The following ENTPD1 variants were observed in gnomAD, a reference collection of about 807,000 sequenced individuals.
ENTPD1 encodes the protein ectonucleoside triphosphate diphosphohydrolase 1.
A neutral mutation model predicts 57.0 loss-of-function variants in ENTPD1; 33 were observed. The observed-to-expected ratio is 0.58, with a 90% CI of 0.44 to 0.77. The LOEUF (loss-of-function observed/expected upper bound fraction) is 0.77, where lower values mean the gene tolerates loss of function less well. ENTPD1 is among the 30% of genes least tolerant of loss of function. ENTPD1 has a pLI of 0.00. For missense variants in ENTPD1, 501 were observed against 603.4 expected, an observed-to-expected ratio of 0.83 and a Z score of 1.78; for synonymous variants, 202 against 218.8, an observed-to-expected ratio of 0.92 and a Z score of 0.68.
chr10:95,792,935 A>T (rs2098211375), intron 1 of ENTPD1, among the ~76,000 whole-genome samples: 3 of 152,188 alleles, frequency 2.0e-5, no homozygotes, highest in Admixed American at 2.0e-4. Flanking sequence ...CTGGCCACGT[A>T]TTCCACTCAT....
chr10:95,723,555 A>G (rs1409459143), intron 1 of ENTPD1, among the ~76,000 whole-genome samples: 3 of 152,148 alleles, frequency 2.0e-5, no homozygotes, highest in Non-Finnish European at 2.9e-5. Context: ...ACTCTGAACC[A>G]TTAGTACCTA....
At chr10:95,814,071 C>T (rs576495672) in intron 1 of ENTPD1, among the ~76,000 whole-genome samples, 10 of 152,300 alleles carry the variant, frequency 6.6e-5, no homozygotes, top group African/African-American at 1.4e-4. Flanking sequence ...GGAAGCAATG[C>T]GCTTATTGCT....
intron 8 of ENTPD1, among the ~76,000 whole-genome samples, chr10:95,862,221 C>T (rs1226119904): frequency 1.3e-5 from 2 of 152,136 alleles, no homozygotes; most frequent in Non-Finnish European, 2.9e-5. Flanking sequence ...CAGGGTTAGA[C>T]CCCTGTCTTC....
chr10:95,810,854 G>C (rs114148016), intron 1 of ENTPD1, among the ~76,000 whole-genome samples: 1 of 152,120 alleles, frequency 6.6e-6, no homozygotes, highest in Non-Finnish European at 1.5e-5. Flanking sequence ...CTCACTAAAT[G>C]GGTACAGAAA....
Position 95,867,896 on chromosome 10 carries a change from A to G in ENTPD1, c.*1513A>G. On this transcript the variant is annotated 3_prime_UTR_variant, in exon 10 of 10. Transcript: ENST00000371205. ...ATCCAGGTGAATATAAAAACTTAAT[A>G]AAGCTGTGGAAAGGAACTCTTAATC... 1 of 985,464 alleles carries G rather than the reference A, an allele frequency of 1.0e-6. No homozygotes were observed. 61.0% of individuals were successfully genotyped at this position (985,464 alleles called of 1,614,324 possible).
the ENTPD1 span, among the ~76,000 whole-genome samples, chr10:95,700,641 T>C: frequency 6.6e-6 from 1 of 152,198 alleles, no homozygotes; most frequent in Admixed American, 6.5e-5. Context: ...TGACCTGTGA[T>C]CACAGCACTG....
At chr10:95,724,041 A>G (rs2097980735) in intron 1 of ENTPD1, among the ~76,000 whole-genome samples, 1 of 151,900 alleles carries the variant, frequency 6.6e-6, no homozygotes, top group Non-Finnish European at 1.5e-5. Context: ...GGACACCTGT[A>G]GTCCCAGCTG....
intron 1 of ENTPD1, among the ~76,000 whole-genome samples, chr10:95,722,319 G>A (rs1589643909): frequency 6.7e-6 from 1 of 148,668 alleles, no homozygotes; most frequent in East Asian, 2.0e-4. Flanking sequence ...TATACTTTAA[G>A]TTTTAGGGTA....
At chr10:95,731,137 G>C (rs2097988616) in intron 1 of ENTPD1, among the ~76,000 whole-genome samples, 1 of 152,184 alleles carries the variant, frequency 6.6e-6, no homozygotes. Flanking sequence ...GCCAAACAGT[G>C]CTGTCTGAGA....
At position 95,868,475 on chromosome 10, in the gene ENTPD1, C is replaced by T. The variant is rs1233009418; in HGVS notation, c.*2092C>T. 2.0e-6 allele frequency: 2 copies of T among 985,382 alleles called. No homozygotes were observed. The highest frequency in any genetic ancestry group is 2.3e-4 in the East Asian group (2 of 8,810). 61.0% of individuals were successfully genotyped at this position (985,382 alleles called of 1,614,324 possible). On this transcript the variant is annotated 3_prime_UTR_variant, in exon 10 of 10. Transcript: ENST00000371205. ...GCTTCCTAATTTTAATGTTTGCTCA[C>T]AGCATAGTAGATTGACATCAAATAG... is the stretch of plus-strand genomic sequence containing the variant.
At position 95,873,652 on chromosome 10, in the gene ENTPD1, C is replaced by T; in HGVS notation, c.*7269C>T. ...TGTCACTCTACTAGGGATGAAACAGCTAATCATGTTCAATAGTTACATTTA... is the reference window on the plus strand; with the variant it reads ...TGTCACTCTACTAGGGATGAAACAGTTAATCATGTTCAATAGTTACATTTA... On this transcript the variant is annotated 3_prime_UTR_variant, in exon 10 of 10. Transcript: ENST00000371205. 1 of 985,430 alleles carries T rather than the reference C, an allele frequency of 1.0e-6. No individual in the cohort carries two copies. Among genetic ancestry groups the T allele is most frequent in the Non-Finnish European group, 1.2e-6 (1 of 829,926 alleles). 61.0% of individuals were successfully genotyped at this position (985,430 alleles called of 1,614,324 possible).
At chr10:95,834,109 C>T (rs2098403756) in intron 2 of ENTPD1, among the ~76,000 whole-genome samples, 1 of 152,148 alleles carries the variant, frequency 6.6e-6, no homozygotes, top group South Asian at 2.1e-4. Flanking sequence ...ATATTAACCT[C>T]TTTTAGGGCT....
intron 7 of ENTPD1, among the ~76,000 whole-genome samples, chr10:95,853,732 G>C (rs2098449494): frequency 6.6e-6 from 1 of 152,088 alleles, no homozygotes; most frequent in African/African-American, 2.4e-5. Context: ...GCTGGATTAC[G>C]TTTATTGATT....
chr10:95,772,874 T>C (rs1334452983), intron 1 of ENTPD1, among the ~76,000 whole-genome samples: 1 of 152,208 alleles, frequency 6.6e-6, no homozygotes, highest in Non-Finnish European at 1.5e-5. Flanking sequence ...AAAGTCAAAA[T>C]TACTTTGTTT....
rs146939454 is a variant in ENTPD1, at chr10:95,739,914, T to C, written c.37+27921T>C. 4.3e-4 allele frequency among the ~76,000 whole-genome samples: 65 copies of C among 152,348 alleles called. No individual in the cohort carries two copies. The East Asian group carries it at 0.01, about 24-fold the overall frequency. ...AGAATAAATGTTGTGTTAGCATGCA[T>C]AAAAATAACATTCATCTTCTTGTAC... On this transcript the variant is annotated intron_variant, in intron 1 of 9. Transcript: ENST00000453258.
chr10:95,766,123 T>G (rs983306019), intron 1 of ENTPD1, among the ~76,000 whole-genome samples: 1 of 152,190 alleles, frequency 6.6e-6, no homozygotes, highest in Non-Finnish European at 1.5e-5. Context: ...GCCACATTTA[T>G]CATTCTCTCT....
chr10:95,806,570 CT>C (rs1210279196), intron 1 of ENTPD1, among the ~76,000 whole-genome samples: 1 of 152,202 alleles, frequency 6.6e-6, no homozygotes, highest in Non-Finnish European at 1.5e-5. Flanking sequence ...AAGAGGTGCT[CT>C]GGTTTTTAGA....
intron 1 of ENTPD1, among the ~76,000 whole-genome samples, chr10:95,763,938 C>T (rs1226092381): frequency 6.6e-6 from 1 of 152,212 alleles, no homozygotes; most frequent in East Asian, 1.9e-4. Context: ...TAAAGTCTCT[C>T]AGTTGGTAAG....
intron 1 of ENTPD1, among the ~76,000 whole-genome samples, chr10:95,717,913 C>T (rs183886163): frequency 6.2e-4 from 95 of 152,258 alleles, no homozygotes; most frequent in African/African-American, 2.0e-3. Flanking sequence ...ATTTGAAGAA[C>T]GATTTGTAAT....
Sources: allele counts gnomAD v4.1 joint callset (sites outside exome capture counted in the v4.1 genomes callset), GRCh38; gene constraint gnomAD v4.1.1; transcripts MANE v1.5; gene names NCBI Gene and HGNC (gene_info 2026-07-23, HGNC 2026-07-21).